Variants in STRN observed in about 807,000 individuals in gnomAD.
STRN encodes the protein protein phosphatase 2 regulatory subunit B'''alpha.
STRN carries 53 observed loss-of-function variants against 96.3 expected under a neutral mutation model. The ratio of observed to expected loss-of-function variants is 0.55; its 90% confidence interval spans 0.44 to 0.69. STRN has a LOEUF of 0.69. Ranked by LOEUF, STRN falls within the 30% of genes least tolerant of loss-of-function variation. The pLI is 0.00. For synonymous variants in STRN, 428 were observed against 355.9 expected (o/e 1.20, Z -2.28); for missense variants, 987 against 963.9 (o/e 1.02, Z -0.32).
At chr2:36,867,793 A>G (rs1469364657) in intron 12 of STRN, 21 bp downstream of exon 12, 1 of 1,492,734 alleles carries the variant, frequency 6.7e-7, no homozygotes. Context: ...GGTTTAAAAT[A>G]AAGAAAAAAC....
chr2:36,953,999 G>A (rs537226859), intron 1 of STRN, among the ~76,000 whole-genome samples: 5 of 151,832 alleles, frequency 3.3e-5, no homozygotes, highest in Non-Finnish European at 5.9e-5. Context: ...ATAGAAGAGA[G>A]ACACAGTCTC....
intron 4 of STRN, 128 bp from the exon 5 acceptor site, chr2:36,902,879 A>G (rs576263916): frequency 1.3e-4 from 83 of 635,774 alleles, no homozygotes; most frequent in African/African-American, 1.1e-3. Flanking sequence ...CTATGCTAGT[A>G]AGACTTGTTA....
chr2:36,894,773 A>G lies in STRN; in HGVS notation c.796-740T>C, dbSNP rs181403953. On this transcript the variant is annotated intron_variant, in intron 6 of 17. Coordinates refer to ENST00000263918, the MANE Select transcript of STRN (RefSeq NM_003162.4). ...CTATTGTGAGTGGCTTAAAATTATAAAAGTTTTACAGACAGACCAATAGGA... is the reference window on the plus strand; with the variant it reads ...CTATTGTGAGTGGCTTAAAATTATAGAAGTTTTACAGACAGACCAATAGGA... Among the ~76,000 whole-genome samples the G allele has an allele frequency of 2.6e-5, 4 of 152,332 alleles. No individual in the cohort carries two copies. In the East Asian group the frequency reaches 7.7e-4, roughly 29 times the overall value.
intron 4 of STRN, among the ~76,000 whole-genome samples, chr2:36,904,504 T>C (rs966539263): frequency 6.6e-6 from 1 of 152,218 alleles, no homozygotes; most frequent in Non-Finnish European, 1.5e-5. Flanking sequence ...GTTTACTCTT[T>C]ATTGTCTCAA....
At chr2:36,903,148 T>C (rs1006988701) in intron 4 of STRN, among the ~76,000 whole-genome samples, 1 of 152,238 alleles carries the variant, frequency 6.6e-6, no homozygotes, top group African/African-American at 2.4e-5. Flanking sequence ...CTAGACAGAA[T>C]GTTCCTAGCA....
intron 1 of STRN, among the ~76,000 whole-genome samples, chr2:36,937,783 T>C (rs1279968333): frequency 2.0e-5 from 3 of 151,786 alleles, no homozygotes; most frequent in Non-Finnish European, 4.4e-5. Context: ...TAAATATGTA[T>C]CTTGAAAAGA....
intron 6 of STRN, among the ~76,000 whole-genome samples, chr2:36,899,061 T>C (rs1395238764): frequency 6.6e-6 from 1 of 152,112 alleles, no homozygotes; most frequent in Non-Finnish European, 1.5e-5. Context: ...GAACAAAACT[T>C]GAGAAGAACC....
At chr2:36,867,114 A>C (rs934424576) in intron 12 of STRN, among the ~76,000 whole-genome samples, 2 of 152,190 alleles carry the variant, frequency 1.3e-5, no homozygotes, top group Non-Finnish European at 1.5e-5. Context: ...AGTTGCTACA[A>C]AGTGTCAATG....
At chr2:36,858,238 G>C (rs1250599005) in intron 13 of STRN, among the ~76,000 whole-genome samples, 1 of 151,968 alleles carries the variant, frequency 6.6e-6, no homozygotes, top group Non-Finnish European at 1.5e-5. Context: ...AAATTTAAAA[G>C]CACGTATTTT....
rs1670361873 is a variant in STRN at position 36,924,621 on chromosome 2, T to C, written c.338+484A>G. On this transcript the variant is annotated intron_variant, in intron 2 of 17. Transcript: ENST00000263918. Reference sequence around the variant, plus strand: ...GAAATCACATAAATCAGTTTTTTGATCATTATTAAACTATTCATAATAAAA... The same window carrying C: ...GAAATCACATAAATCAGTTTTTTGACCATTATTAAACTATTCATAATAAAA... Among the ~76,000 whole-genome samples the C allele has an allele frequency of 2.0e-5, 3 of 152,176 alleles. No individual in the cohort carries two copies. The South Asian group carries it at 6.2e-4, about 32-fold the overall frequency.
chr2:36,851,228 T>C, intron 15 of STRN, 121 bp from the exon 16 acceptor site: 1 of 745,792 alleles, frequency 1.3e-6, no homozygotes, highest in Non-Finnish European at 2.1e-6. Context: ...CTCACGCCTG[T>C]AATCCAAGCA....
chr2:36,874,736 A>C (rs556758036), intron 10 of STRN, among the ~76,000 whole-genome samples: 1 of 151,402 alleles, frequency 6.6e-6, no homozygotes, highest in East Asian at 1.9e-4. Flanking sequence ...AAAAAAAAAA[A>C]AAAACACCTC....
chr2:36,875,547 A>G (rs1668881966), intron 10 of STRN, among the ~76,000 whole-genome samples: 2 of 111,798 alleles, frequency 1.8e-5, no homozygotes, highest in African/African-American at 3.2e-5. Context: ...TGCTCCAATT[A>G]AAAGACAAAG....
chr2:36,924,997 G>C (rs1400048395), intron 2 of STRN, 108 bp downstream of exon 2: 5 of 916,008 alleles, frequency 5.5e-6, no homozygotes, highest in Non-Finnish European at 8.5e-6. Context: ...CGGAGGTCGC[G>C]GTGAGCCAAG....
chr2:36,881,715 CA>C (rs1333437665), intron 9 of STRN, among the ~76,000 whole-genome samples: 1 of 152,176 alleles, frequency 6.6e-6, no homozygotes. Flanking sequence ...CTGTGGCTTA[CA>C]TAATGCTTTT....
chr2:36,958,984 C>A (rs1317409275), intron 1 of STRN, among the ~76,000 whole-genome samples: 1 of 152,038 alleles, frequency 6.6e-6, no homozygotes, highest in Admixed American at 6.6e-5. Flanking sequence ...GGCATGGTGG[C>A]GGGCGTCTGT....
chr2:36,940,226 GA>G (rs1670810945), intron 1 of STRN, among the ~76,000 whole-genome samples: 2 of 152,002 alleles, frequency 1.3e-5, no homozygotes, highest in Admixed American at 1.3e-4. Flanking sequence ...TACTTCGAAG[GA>G]AAAGTAATAG....
chr2:36,945,964 T>C (rs1670971768), intron 1 of STRN, among the ~76,000 whole-genome samples: 1 of 151,848 alleles, frequency 6.6e-6, no homozygotes, highest in South Asian at 2.1e-4. Flanking sequence ...AAAATAAACT[T>C]TTTTTTTAAG....
At chr2:36,938,430 A>T (rs1170161910) in intron 1 of STRN, among the ~76,000 whole-genome samples, 1 of 133,344 alleles carries the variant, frequency 7.5e-6, no homozygotes, top group African/African-American at 2.8e-5. Flanking sequence ...TGTCTCAATT[A>T]AAAAAAAAAA....
Sources: allele counts gnomAD v4.1 joint callset (sites outside exome capture counted in the v4.1 genomes callset), GRCh38; gene constraint gnomAD v4.1.1; transcripts MANE v1.5; gene names NCBI Gene and HGNC (gene_info 2026-07-23, HGNC 2026-07-21).